The following TAB1 variants were observed in gnomAD, a reference collection of about 807,000 sequenced individuals.
TAB1 encodes the protein TGF-beta-activated kinase 1 and MAP3K7-binding protein 1.
In TAB1, 30 loss-of-function variants were observed where a neutral mutation model predicts 54.5. The observed-to-expected ratio is 0.55, with a 90% CI of 0.41 to 0.75. The LOEUF (loss-of-function observed/expected upper bound fraction) is 0.75, where lower values mean the gene tolerates loss of function less well. TAB1 is among the 30% of genes least tolerant of loss of function. The pLI, the probability that TAB1 is intolerant of heterozygous loss-of-function variation, is 0.00. For synonymous variants in TAB1, 289 were observed against 286.9 expected (o/e 1.01, Z -0.07); for missense variants, 609 against 683.2 (o/e 0.89, Z 1.21).
chr22:39,414,972 T>C, intron 1 of TAB1, 34 bp from the exon 2 acceptor site: 1 of 1,612,548 alleles, frequency 6.2e-7, no homozygotes, highest in Non-Finnish European at 8.5e-7. Flanking sequence ...GCAGACGCGG[T>C]GGCGTCTCAC....
chr22:39,433,482 C>T (rs1927664361), downstream of TAB1: 1 of 985,282 alleles, frequency 1.0e-6, no homozygotes. Context: ...TCAGTCTCTC[C>T]CAAAACCCAG....
chr22:39,429,470 T>C (rs751733153), intron 10 of TAB1: 10 of 657,758 alleles, frequency 1.5e-5, no homozygotes, highest in Non-Finnish European at 5.6e-6. Flanking sequence ...TTGAACTGAG[T>C]GTTCCATTTT....
chr22:39,415,234 CTTGCCAGTGACATG>C lies in TAB1; in HGVS notation c.170+94_170+107del. 6.9e-7 allele frequency: 1 copy of C among 1,456,276 alleles called. No homozygotes were observed. The highest frequency in any genetic ancestry group is 9.2e-7 in the Non-Finnish European group (1 of 1,082,314). 90.2% of individuals were successfully genotyped at this position (1,456,276 alleles called of 1,614,324 possible). Reference sequence around the variant, plus strand: ...CGACCTTGCAGCTTTCTCGTATGGGCTTGCCAGTGACATGTGGCCCGTGAGAGGTGGCCTCTGCT... The same window carrying C: ...CGACCTTGCAGCTTTCTCGTATGGGCTGGCCCGTGAGAGGTGGCCTCTGCT... On this transcript the variant is annotated intron_variant, in intron 2 of 10. Transcript: ENST00000216160. This position sits in a 1 kb window ranked among gnomAD's most constrained non-coding sequence, Gnocchi z 4.9.
downstream of TAB1, among the ~76,000 whole-genome samples, chr22:39,436,325 A>G (rs556219000): frequency 7.2e-5 from 11 of 152,316 alleles, no homozygotes; most frequent in Admixed American, 2.6e-4. Flanking sequence ...AGTTCTAACT[A>G]CGTTCCAGGT....
In TAB1 at chr22:39,415,090, G is replaced by C. The variant is rs758415021; in HGVS notation, c.118G>C (p.Asp40His). 1.2e-6 allele frequency: 2 copies of C among 1,612,374 alleles called. No homozygotes were observed. The highest frequency in any genetic ancestry group is 1.7e-5 in the Admixed American group (1 of 59,786). ...GSASNRSYSA[D>H]GKGTESHPPE... ...AGCCTCCAACCGCAGCTACTCTGCT[G>C]ATGGCAAGGGCACTGAGAGCCACCC... Residue 40 changes from aspartate to histidine, a missense_variant, in exon 2 of 11, where the codon GAT (aspartate) becomes CAT (histidine). Physicochemically the swap from Asp to His is moderately conservative, Grantham distance 81. Coordinates refer to ENST00000216160, the MANE Select transcript of TAB1 (RefSeq NM_006116.3). This position sits in a 1 kb window ranked among gnomAD's most constrained non-coding sequence, Gnocchi z 4.9.
chr22:39,417,411 G>C (rs1421294770), intron 4 of TAB1, among the ~76,000 whole-genome samples: 3 of 152,166 alleles, frequency 2.0e-5, no homozygotes, highest in African/African-American at 7.2e-5. Context: ...ACAAGGTCAG[G>C]AGATCAAGAC....
At chr22:39,411,056 G>GAA (rs1320809765) in intron 1 of TAB1, among the ~76,000 whole-genome samples, 1 of 151,840 alleles carries the variant, frequency 6.6e-6, no homozygotes, top group Non-Finnish European at 1.5e-5. Context: ...ATTCAATGGA[G>GAA]AAAAGCTAGT....
intron 8 of TAB1, among the ~76,000 whole-genome samples, chr22:39,424,456 T>C (rs981740059): frequency 6.9e-6 from 1 of 144,808 alleles, no homozygotes; most frequent in Non-Finnish European, 1.5e-5. Flanking sequence ...TTTTTTTTTT[T>C]TTTTTTGAGA....
intron 1 of TAB1, among the ~76,000 whole-genome samples, chr22:39,405,751 T>G (rs1926334448): frequency 6.6e-6 from 1 of 152,210 alleles, no homozygotes; most frequent in South Asian, 2.1e-4. Flanking sequence ...ACGCTCGGTA[T>G]GGCTAATCCT....
chr22:39,419,662 G>T, intron 7 of TAB1, 32 bp downstream of exon 7: 1 of 1,511,348 alleles, frequency 6.6e-7, no homozygotes, highest in South Asian at 1.2e-5. Context: ...CCCTGTGCTT[G>T]AAAGAACAGA....
chr22:39,428,217 C>T, intron 10 of TAB1, 34 bp downstream of exon 10: 4 of 1,456,188 alleles, frequency 2.7e-6, no homozygotes, highest in Non-Finnish European at 3.8e-6. Flanking sequence ...ACCCCCAGCC[C>T]TGTCACCCCC....
At position 39,413,405 on chromosome 22, in the gene TAB1, A is replaced by G. The variant is rs760410511; in HGVS notation, c.34-1601A>G. 2.6e-5 allele frequency among the ~76,000 whole-genome samples: 4 copies of G among 151,912 alleles called. No individual in the cohort carries two copies. In the South Asian group the frequency reaches 8.3e-4, roughly 32 times the overall value. ...GCTTGTGTTTGTTTAATATTTCAAT[A>G]AAGCTTTCAATACAATTTTTTTTTT... On this transcript the variant is annotated intron_variant, in intron 1 of 10. Coordinates refer to ENST00000216160, the MANE Select transcript of TAB1 (RefSeq NM_006116.3).
rs1927535944 is a variant in TAB1 at position 39,430,390 on chromosome 22, G to T, written c.*168G>T. On this transcript the variant is annotated 3_prime_UTR_variant, in exon 11 of 11. Coordinates refer to ENST00000216160, the MANE Select transcript of TAB1 (RefSeq NM_006116.3). ...GCAGTAGAGTGTGTGAGTGCAGACT[G>T]GACCTGTGGTTCATACCTTGTCACC... The T allele has an allele frequency of 2.8e-6, 4 of 1,453,646 alleles. No homozygotes were observed. In the African/African-American group the frequency reaches 5.6e-5, roughly 21 times the overall value. The allele number at this position is 1,453,646 out of a possible 1,614,324, so 90.0% of individuals were successfully genotyped here. A position where few individuals can be genotyped will look rare whatever the true frequency, so the allele number is the denominator to read the frequency against.
intron 7 of TAB1, among the ~76,000 whole-genome samples, chr22:39,420,882 CTGTGTGTGTGTGTGTGTGTG>C (rs3043618): frequency 2.1e-4 from 3 of 14,388 alleles, no homozygotes; most frequent in Admixed American, 1.4e-3. Context: ...GTGTCTCTCT[CTGTGTGTGTGTGTGTGTGTG>C]TGTGTGTGTG....
Position 39,431,225 on chromosome 22 carries a change from G to A in TAB1, c.*1003G>A. 2.0e-6 allele frequency: 2 copies of A among 985,614 alleles called. No individual in the cohort carries two copies. Among genetic ancestry groups the A allele is most frequent in the Non-Finnish European group, 2.4e-6 (2 of 830,062 alleles). The allele number at this position is 985,614 out of a possible 1,614,324, so 61.1% of individuals were successfully genotyped here. On this transcript the variant is annotated 3_prime_UTR_variant, in exon 11 of 11. Transcript: ENST00000216160. ...GTACCCTGGGAGGCATAGGAGAAGG[G>A]TCGGGCCAGCCCAGCCCAGGGCCTG... is the stretch of plus-strand genomic sequence containing the variant.
downstream of TAB1, chr22:39,436,704 C>T: frequency 1.5e-6 from 1 of 685,092 alleles, no homozygotes; most frequent in Non-Finnish European, 2.5e-6. Flanking sequence ...ACTGGGCAGA[C>T]CCCCTCCCTC....
intron 8 of TAB1, among the ~76,000 whole-genome samples, chr22:39,424,443 T>C (rs1927231733): frequency 7.1e-6 from 1 of 141,274 alleles, no homozygotes; most frequent in Non-Finnish European, 1.5e-5. Context: ...GATTTCTTTT[T>C]TTTTTTTTTT....
chr22:39,413,664 G>A (rs187241064), intron 1 of TAB1, among the ~76,000 whole-genome samples: 28 of 151,946 alleles, frequency 1.8e-4, no homozygotes, highest in Admixed American at 1.3e-3. Flanking sequence ...ACATCAAATG[G>A]TCCACCCACC....
intron 8 of TAB1, among the ~76,000 whole-genome samples, chr22:39,424,438 C>CTTTTTTTT (rs762665225): frequency 5.3e-4 from 47 of 89,448 alleles, no homozygotes; most frequent in Non-Finnish European, 6.4e-4. Flanking sequence ...GTTCTGATTT[C>CTTTTTTTT]TTTTTTTTTT....
Sources: gnomAD v4.1 joint callset for allele counts (sites outside exome capture counted in the v4.1 genomes callset) on GRCh38, gnomAD v4.1.1 for gene constraint, Gnocchi (gnomAD v3.1) non-coding constraint, MANE v1.5 for transcripts, NCBI Gene and HGNC (gene_info 2026-07-23, HGNC 2026-07-21) for gene names.